Variants in OTUD7A observed in about 807,000 individuals in gnomAD.
The protein encoded by OTUD7A is OTU domain-containing protein 7A.
Under a neutral mutation model 65.7 loss-of-function variants are expected in OTUD7A, and 12 were observed. The observed-to-expected ratio is 0.18, with a 90% CI of 0.12 to 0.30. OTUD7A has a LOEUF of 0.30. Ranked by LOEUF, OTUD7A falls within the 10% of genes least tolerant of loss-of-function variation. The pLI is 1.00. For missense variants in OTUD7A, 1,148 were observed against 1,304.8 expected (o/e 0.88, Z 1.85); for synonymous variants, 641 against 586.3 (o/e 1.09, Z -1.35).
intron 1 of OTUD7A, among the ~76,000 whole-genome samples, chr15:31,782,327 T>C (rs145557084): frequency 5.5e-4 from 84 of 152,260 alleles, no homozygotes; most frequent in African/African-American, 1.9e-3. Context: ...CAAAGGAATA[T>C]CACAGAAGAG....
chr15:31,551,484 A>G (rs1391513858), intron 5 of OTUD7A, among the ~76,000 whole-genome samples: 1 of 152,222 alleles, frequency 6.6e-6, no homozygotes, highest in Non-Finnish European at 1.5e-5. Context: ...TGAGAGAGGC[A>G]GGTGGTTTCA....
At chr15:31,861,575 G>A (rs546114552) in intron 1 of OTUD7A, among the ~76,000 whole-genome samples, 7 of 152,168 alleles carry the variant, frequency 4.6e-5, no homozygotes, top group African/African-American at 7.2e-5. Context: ...GTTGCATGCC[G>A]TGTCTGAGAA....
At chr15:31,590,561 A>T (rs1889693203) in intron 3 of OTUD7A, among the ~76,000 whole-genome samples, 1 of 152,206 alleles carries the variant, frequency 6.6e-6, no homozygotes, top group Non-Finnish European at 1.5e-5. Context: ...TTCATTGTTG[A>T]CTTATTCCAC....
chr15:31,552,789 G>A (rs1245782008), intron 5 of OTUD7A, among the ~76,000 whole-genome samples: 3 of 152,220 alleles, frequency 2.0e-5, no homozygotes, highest in East Asian at 1.9e-4. Context: ...AGTCGCAGCC[G>A]CGACTCTGCC....
chr15:31,669,572 C>T (rs1892425160), intron 1 of OTUD7A, among the ~76,000 whole-genome samples: 1 of 152,208 alleles, frequency 6.6e-6, no homozygotes, highest in Non-Finnish European at 1.5e-5. Context: ...AGGTTACCTG[C>T]TTCCCAGCTA....
intron 5 of OTUD7A, among the ~76,000 whole-genome samples, chr15:31,548,256 T>G (rs1433773714): frequency 1.3e-5 from 2 of 150,484 alleles, no homozygotes; most frequent in Admixed American, 1.3e-4. Flanking sequence ...CTGTCAGATG[T>G]TCCTGCGCGG....
intron 3 of OTUD7A, among the ~76,000 whole-genome samples, chr15:31,620,730 T>C (rs1328247532): frequency 9.3e-6 from 1 of 108,098 alleles, no homozygotes; most frequent in Non-Finnish European, 1.7e-5. Flanking sequence ...CCTGGATTCA[T>C]TAATTTTTTG....
chr15:31,573,833 G>A (rs1054213040), intron 3 of OTUD7A, among the ~76,000 whole-genome samples: 4 of 152,194 alleles, frequency 2.6e-5, no homozygotes, highest in African/African-American at 9.7e-5. Flanking sequence ...CCTGGGAGGT[G>A]GAGGTTGCAG....
chr15:31,868,999 G>T (rs1897952745), intron 1 of OTUD7A, among the ~76,000 whole-genome samples: 1 of 152,150 alleles, frequency 6.6e-6, no homozygotes, highest in Non-Finnish European at 1.5e-5. Flanking sequence ...CAATTAGGAG[G>T]TGTCATTAAT....
chr15:31,733,151 C>T (rs1894093649), intron 1 of OTUD7A, among the ~76,000 whole-genome samples: 1 of 152,210 alleles, frequency 6.6e-6, no homozygotes. Context: ...TGTATCAGCA[C>T]TCCATTTCCT....
In OTUD7A at chr15:31,487,300, A is replaced by G. The variant is rs772998841; in HGVS notation, c.1287-22T>C. 6.8e-6 allele frequency: 11 copies of G among 1,612,508 alleles called. No individual in the cohort carries two copies. In the East Asian group the frequency reaches 8.9e-5, roughly 13 times the overall value. On this transcript the variant is annotated intron_variant, in intron 11 of 12. Transcript: ENST00000307050. This position sits in a 1 kb window ranked among gnomAD's most constrained non-coding sequence, Gnocchi z 6.0. ...AAGGCTGGCAAGAGAAGAATATCCTATTGAAATGGTCTGAGCTGGCCCTTA... is the reference window on the plus strand; with the variant it reads ...AAGGCTGGCAAGAGAAGAATATCCTGTTGAAATGGTCTGAGCTGGCCCTTA...
intron 3 of OTUD7A, among the ~76,000 whole-genome samples, chr15:31,637,366 C>T (rs1891373814): frequency 6.6e-6 from 1 of 152,206 alleles, no homozygotes; most frequent in African/African-American, 2.4e-5. Context: ...ATATTTTAAG[C>T]TCATTGCTGA....
At chr15:31,732,116 T>A (rs559644084) in intron 1 of OTUD7A, among the ~76,000 whole-genome samples, 1 of 152,324 alleles carries the variant, frequency 6.6e-6, no homozygotes, top group East Asian at 1.9e-4. Flanking sequence ...AACAGACTAA[T>A]CATCCCCTCA....
At chr15:31,781,205 G>A (rs1895530117) in intron 1 of OTUD7A, among the ~76,000 whole-genome samples, 1 of 152,176 alleles carries the variant, frequency 6.6e-6, no homozygotes, top group African/African-American at 2.4e-5. Context: ...TGCTAAGGAT[G>A]GGTGATGCAG....
chr15:31,741,203 A>G (rs1894333556), intron 1 of OTUD7A, among the ~76,000 whole-genome samples: 3 of 152,222 alleles, frequency 2.0e-5, no homozygotes, highest in Admixed American at 6.5e-5. Context: ...GCAAATCCCC[A>G]TATGGTTAGG....
intron 1 of OTUD7A, among the ~76,000 whole-genome samples, chr15:31,802,559 T>C (rs1319542792): frequency 6.6e-6 from 1 of 152,154 alleles, no homozygotes; most frequent in East Asian, 1.9e-4. Flanking sequence ...TAAAGTATAA[T>C]AATATTCACT....
chr15:31,785,080 C>T (rs1895636983), intron 1 of OTUD7A, among the ~76,000 whole-genome samples: 1 of 152,152 alleles, frequency 6.6e-6, no homozygotes, highest in Non-Finnish European at 1.5e-5. Flanking sequence ...TGCATCTAGA[C>T]CCTGCAAGTA....
chr15:31,496,464 C>T (rs2041386085), intron 10 of OTUD7A, among the ~76,000 whole-genome samples: 1 of 152,140 alleles, frequency 6.6e-6, no homozygotes, highest in Non-Finnish European at 1.5e-5. Context: ...CCTCGTGATC[C>T]GCCTGCCTCA....
At chr15:31,666,284 T>C (rs1367114673) in intron 1 of OTUD7A, among the ~76,000 whole-genome samples, 1 of 152,130 alleles carries the variant, frequency 6.6e-6, no homozygotes, top group Non-Finnish European at 1.5e-5. Context: ...AAATTAAGAT[T>C]TCAATCACAC....
Sources: gnomAD v4.1 joint callset for allele counts (sites outside exome capture counted in the v4.1 genomes callset) on GRCh38, gnomAD v4.1.1 for gene constraint, Gnocchi (gnomAD v3.1) non-coding constraint, MANE v1.5 for transcripts, NCBI Gene and HGNC (gene_info 2026-07-23, HGNC 2026-07-21) for gene names.